The following MALRD1 variants were observed in gnomAD, a reference collection of about 807,000 sequenced individuals.
MALRD1 encodes the protein MAM and LDL-receptor class A domain-containing protein 1.
Under a neutral mutation model 242.1 loss-of-function variants are expected in MALRD1, and 247 were observed. That is an observed-to-expected ratio of 1.02 (90% confidence interval 0.92 to 1.13). The LOEUF is 1.13. Ranked by LOEUF, MALRD1 falls within the 50% of genes most tolerant of loss-of-function variation. The pLI, the probability that MALRD1 is intolerant of heterozygous loss-of-function variation, is 0.00. For synonymous variants in MALRD1, 995 were observed against 866.6 expected (o/e 1.15, Z -2.60); for missense variants, 2,989 against 2,533.1 (o/e 1.18, Z -3.86).
chr10:19,527,573 T>C (rs1290475120), intron 31 of MALRD1, among the ~76,000 whole-genome samples: 1 of 152,176 alleles, frequency 6.6e-6, no homozygotes, highest in East Asian at 1.9e-4. Flanking sequence ...CTGAATTAAA[T>C]AGAATCTGCT....
At chr10:19,189,470 G>C (rs1327221214) in intron 14 of MALRD1, among the ~76,000 whole-genome samples, 2 of 151,616 alleles carry the variant, frequency 1.3e-5, no homozygotes, top group African/African-American at 4.8e-5. Flanking sequence ...AATGAGGCCA[G>C]CATTACCCTG....
chr10:19,096,113 A>G (rs932373883), intron 4 of MALRD1, among the ~76,000 whole-genome samples: 1 of 152,212 alleles, frequency 6.6e-6, no homozygotes, highest in Non-Finnish European at 1.5e-5. Flanking sequence ...TATAAGAAGC[A>G]TAAGATATTA....
chr10:19,239,735 G>C (rs1406725892), intron 18 of MALRD1, among the ~76,000 whole-genome samples: 1 of 152,034 alleles, frequency 6.6e-6, no homozygotes, highest in Non-Finnish European at 1.5e-5. Flanking sequence ...AATCTTCTCA[G>C]TACCATTTAA....
At chr10:19,660,718 T>C (rs1841389819) in intron 36 of MALRD1, among the ~76,000 whole-genome samples, 1 of 152,192 alleles carries the variant, frequency 6.6e-6, no homozygotes, top group East Asian at 1.9e-4. Flanking sequence ...AAAATACCAG[T>C]GGCGTTAATT....
At chr10:19,149,808 C>G (rs948827843) in intron 11 of MALRD1, among the ~76,000 whole-genome samples, 2 of 152,054 alleles carry the variant, frequency 1.3e-5, no homozygotes, top group Non-Finnish European at 2.9e-5. Context: ...CTATTCCTGC[C>G]CAACACATTT....
intron 9 of MALRD1, among the ~76,000 whole-genome samples, chr10:19,134,223 C>T (rs549990721): frequency 6.6e-6 from 1 of 152,128 alleles, no homozygotes. Context: ...CCATGCTGTG[C>T]CCCAGGGAAA....
chr10:19,068,149 A>G (rs1835036119), intron 2 of MALRD1, among the ~76,000 whole-genome samples: 5 of 151,708 alleles, frequency 3.3e-5, no homozygotes, highest in South Asian at 2.1e-4. Flanking sequence ...TTTACTCAGA[A>G]GGCTTTTTAC....
At chr10:19,453,154 A>G (rs1041798371) in intron 29 of MALRD1, among the ~76,000 whole-genome samples, 1 of 152,182 alleles carries the variant, frequency 6.6e-6, no homozygotes. Context: ...TCAGATCATA[A>G]ACTACCAGGT....
chr10:19,541,105 A>G (rs2131376605), intron 32 of MALRD1, among the ~76,000 whole-genome samples: 1 of 152,308 alleles, frequency 6.6e-6, no homozygotes, highest in East Asian at 1.9e-4. Context: ...TATGAAAGTT[A>G]TTGAGTGGCA....
At chr10:19,656,278 A>T (rs967200355) in intron 36 of MALRD1, among the ~76,000 whole-genome samples, 1 of 152,158 alleles carries the variant, frequency 6.6e-6, no homozygotes, top group Non-Finnish European at 1.5e-5. Context: ...CTAACCACTT[A>T]TAAACTCATA....
intron 18 of MALRD1, among the ~76,000 whole-genome samples, chr10:19,242,707 T>G (rs1024722544): frequency 6.6e-6 from 1 of 152,140 alleles, no homozygotes; most frequent in Non-Finnish European, 1.5e-5. Context: ...TATAGTTTTT[T>G]TATTTAAAGC....
intron 23 of MALRD1, among the ~76,000 whole-genome samples, chr10:19,328,829 A>C (rs1315328844): frequency 6.6e-6 from 1 of 152,164 alleles, no homozygotes; most frequent in Non-Finnish European, 1.5e-5. Context: ...AGCCTTGCGC[A>C]ACATGAAACT....
intron 36 of MALRD1, among the ~76,000 whole-genome samples, chr10:19,623,288 A>G (rs547980363): frequency 2.0e-5 from 3 of 152,252 alleles, no homozygotes; most frequent in Middle Eastern, 3.4e-3. Context: ...TAATACACAA[A>G]GAACTATTTT....
At chr10:19,315,131 GAAATATGT>G (rs1842599638) in intron 21 of MALRD1, among the ~76,000 whole-genome samples, 9 of 127,770 alleles carry the variant, frequency 7.0e-5, no homozygotes, top group African/African-American at 2.8e-4. Context: ...ATAATTTATA[GAAATATGT>G]AAATATAATT....
At chr10:19,217,781 C>G (rs1230617784) in intron 18 of MALRD1, among the ~76,000 whole-genome samples, 1 of 152,132 alleles carries the variant, frequency 6.6e-6, no homozygotes, top group Non-Finnish European at 1.5e-5. Context: ...ACGTTGGCCT[C>G]CCAAAGTGCT....
chr10:19,533,982 G>A (rs1027282191), intron 32 of MALRD1, among the ~76,000 whole-genome samples: 1 of 152,162 alleles, frequency 6.6e-6, no homozygotes, highest in African/African-American at 2.4e-5. Flanking sequence ...TAGGAACATA[G>A]ACTAGGCTTG....
intron 26 of MALRD1, among the ~76,000 whole-genome samples, chr10:19,377,389 G>C (rs899904828): frequency 2.6e-5 from 4 of 151,986 alleles, no homozygotes; most frequent in African/African-American, 4.8e-5. Context: ...TTAAGCTATT[G>C]GTAATATGCA....
At chr10:19,149,077 C>CATCTATCTATCT (rs10657245) in intron 11 of MALRD1, among the ~76,000 whole-genome samples, 11,132 of 143,900 alleles carry the variant, frequency 0.077, 443 homozygotes, top group Middle Eastern at 0.096. Context: ...TCTATCTGTC[C>CATCTATCTATCT]ATCTATCTAT....
At chr10:19,077,667 C>A (rs1835358551) in intron 2 of MALRD1, among the ~76,000 whole-genome samples, 1 of 151,850 alleles carries the variant, frequency 6.6e-6, no homozygotes, top group African/African-American at 2.4e-5. Context: ...AATCTAAATA[C>A]ACTAAATATA....
Sources: allele counts gnomAD v4.1 joint callset (sites outside exome capture counted in the v4.1 genomes callset), GRCh38; gene constraint gnomAD v4.1.1; transcripts MANE v1.5; gene names NCBI Gene and HGNC (gene_info 2026-07-23, HGNC 2026-07-21).